LRRC4C: variants seen among roughly 807,000 people sequenced by gnomAD.
LRRC4C encodes leucine rich repeat containing 4C, also known as leucine-rich repeat-containing protein 4C.
LRRC4C carries 5 observed loss-of-function variants against 33.6 expected under a neutral mutation model. That is an observed-to-expected ratio of 0.15 (90% confidence interval 0.08 to 0.31). The LOEUF (loss-of-function observed/expected upper bound fraction) is 0.31. Among genes scored for constraint, LRRC4C ranks in the 10% least tolerant of loss-of-function variants. LRRC4C has a pLI of 1.00. For synonymous variants in LRRC4C, 329 were observed against 302.0 expected (o/e 1.09, Z -0.93); for missense variants, 560 against 796.7 (o/e 0.70, Z 3.58).
intron 1 of LRRC4C, among the ~76,000 whole-genome samples, chr11:41,406,612 GA>G (rs1954244279): frequency 1.3e-5 from 2 of 151,530 alleles, no homozygotes; most frequent in African/African-American, 4.9e-5. Context: ...CAGGCTTGAA[GA>G]GTCCAGCCAT....
In LRRC4C at chr11:41,167,986, G is replaced by A. The variant is rs138467542; in HGVS notation, c.-495-234263C>T. On this transcript the variant is annotated intron_variant, in intron 1 of 6. Coordinates refer to ENST00000528697, the MANE Select transcript of LRRC4C (RefSeq NM_001258419.2). ...CAAGTGGTCCAATGGTCAGGACAGT[G>A]GCCCAGACAGACATAGACATCAGGG... Among the ~76,000 whole-genome samples, 137 of 152,254 alleles carry A rather than the reference G, an allele frequency of 9.0e-4. 1 individual carries two copies. Among genetic ancestry groups the A allele is most frequent in the African/African-American group, 3.2e-3 (134 of 41,564 alleles).
At chr11:41,200,568 A>G (rs1946364206) in intron 1 of LRRC4C, among the ~76,000 whole-genome samples, 1 of 152,042 alleles carries the variant, frequency 6.6e-6, no homozygotes, top group Non-Finnish European at 1.5e-5. Context: ...TACTTCTGCA[A>G]AAACAGAGAT....
At chr11:41,007,703 T>C (rs1021341656) in intron 1 of LRRC4C, among the ~76,000 whole-genome samples, 4 of 152,158 alleles carry the variant, frequency 2.6e-5, no homozygotes, top group Admixed American at 6.5e-5. Context: ...TTTTTAAAAA[T>C]GTAGAACATT....
intron 4 of LRRC4C, among the ~76,000 whole-genome samples, chr11:40,281,627 A>T (rs1392870435): frequency 1.3e-5 from 2 of 152,164 alleles, no homozygotes; most frequent in East Asian, 3.9e-4. Context: ...TCAAACCATT[A>T]GTTGAAAGAA....
chr11:40,930,778 C>A (rs192655989), intron 2 of LRRC4C, among the ~76,000 whole-genome samples: 1 of 152,144 alleles, frequency 6.6e-6, no homozygotes, highest in Non-Finnish European at 1.5e-5. Context: ...CATTTACATC[C>A]AAGTCTAAAA....
At chr11:41,166,672 G>A (rs1468434691) in intron 1 of LRRC4C, among the ~76,000 whole-genome samples, 1 of 152,134 alleles carries the variant, frequency 6.6e-6, no homozygotes, top group East Asian at 1.9e-4. Flanking sequence ...CTATAGTCTT[G>A]TGGGGCTAAA....
chr11:40,667,853 T>A (rs986043867), intron 2 of LRRC4C, among the ~76,000 whole-genome samples: 6 of 152,202 alleles, frequency 3.9e-5, no homozygotes, highest in African/African-American at 1.2e-4. Flanking sequence ...GCAGAGGGAC[T>A]AGCTAAGCTG....
rs531042864 is a variant in LRRC4C, at chr11:41,364,039, C to T, written c.-496+95392G>A. ...ATAAAAGTTCCAACACACTAGATGCCTTTTAAGAAAGTGATCATTTCTTTC... is the reference window on the plus strand; with the variant it reads ...ATAAAAGTTCCAACACACTAGATGCTTTTTAAGAAAGTGATCATTTCTTTC... On this transcript the variant is annotated intron_variant, in intron 1 of 6. Transcript: ENST00000528697. Among the ~76,000 whole-genome samples, 21 of 152,136 alleles carry T rather than the reference C, an allele frequency of 1.4e-4. No homozygotes were observed. The South Asian group carries it at 4.4e-3, about 32-fold the overall frequency.
chr11:40,494,960 G>A (rs1469954315), intron 3 of LRRC4C, among the ~76,000 whole-genome samples: 3 of 152,186 alleles, frequency 2.0e-5, no homozygotes, highest in South Asian at 2.1e-4. Context: ...AAATTGTATC[G>A]CTCTCATAGA....
intron 2 of LRRC4C, among the ~76,000 whole-genome samples, chr11:40,651,371 A>C (rs1942787928): frequency 6.6e-6 from 1 of 152,122 alleles, no homozygotes; most frequent in Admixed American, 6.6e-5. Context: ...GAGGAGAGAG[A>C]GAGAGAAAGA....
At chr11:41,186,005 TAC>T (rs1367249390) in intron 1 of LRRC4C, among the ~76,000 whole-genome samples, 2 of 152,052 alleles carry the variant, frequency 1.3e-5, no homozygotes, top group Non-Finnish European at 2.9e-5. Flanking sequence ...AGATAAGCCG[TAC>T]AGAGAGGTAA....
intron 3 of LRRC4C, among the ~76,000 whole-genome samples, chr11:40,380,684 G>T (rs1467442960): frequency 6.6e-6 from 1 of 152,106 alleles, no homozygotes. Flanking sequence ...ACTGTGTAAG[G>T]TTATCTGCTG....
At chr11:40,739,007 T>TTGTGTG (rs72411974) in intron 2 of LRRC4C, among the ~76,000 whole-genome samples, 2 of 149,192 alleles carry the variant, frequency 1.3e-5, no homozygotes, top group African/African-American at 5.0e-5. Context: ...ATAATTGCTA[T>TTGTGTG]TGTGTGTGTG....
intron 4 of LRRC4C, among the ~76,000 whole-genome samples, chr11:40,317,648 G>C (rs1272694961): frequency 2.0e-5 from 3 of 152,024 alleles, no homozygotes; most frequent in African/African-American, 7.2e-5. Context: ...CATCCTACAT[G>C]TTCCTTCCTG....
intron 2 of LRRC4C, among the ~76,000 whole-genome samples, chr11:40,668,500 G>A (rs568810485): frequency 1.1e-3 from 168 of 152,234 alleles, no homozygotes; most frequent in African/African-American, 3.5e-3. Flanking sequence ...GGAAGAAGGC[G>A]TATCTTAATA....
chr11:41,249,470 C>T (rs778427978), intron 1 of LRRC4C, among the ~76,000 whole-genome samples: 4 of 152,088 alleles, frequency 2.6e-5, no homozygotes, highest in East Asian at 1.9e-4. Flanking sequence ...TTTCTCTATT[C>T]GAAACTCACC....
intron 5 of LRRC4C, among the ~76,000 whole-genome samples, chr11:40,220,428 C>G (rs1033684272): frequency 6.6e-6 from 1 of 152,116 alleles, no homozygotes; most frequent in Non-Finnish European, 1.5e-5. Flanking sequence ...CATAGATATG[C>G]GATTGCCTTG....
At chr11:41,115,373 A>G (rs1480911299) in intron 1 of LRRC4C, among the ~76,000 whole-genome samples, 2 of 148,544 alleles carry the variant, frequency 1.3e-5, no homozygotes, top group Admixed American at 6.7e-5. Context: ...ATATCCCCCC[A>G]TCTTTTTTTT....
At chr11:41,230,578 C>T (rs1947741910) in intron 1 of LRRC4C, among the ~76,000 whole-genome samples, 1 of 152,044 alleles carries the variant, frequency 6.6e-6, no homozygotes, top group Admixed American at 6.6e-5. Flanking sequence ...AAATTGACAT[C>T]CATGCCACTA....
Sources: allele counts gnomAD v4.1 joint callset (sites outside exome capture counted in the v4.1 genomes callset), GRCh38; gene constraint gnomAD v4.1.1; transcripts MANE v1.5; gene names NCBI Gene and HGNC (gene_info 2026-07-23, HGNC 2026-07-21).